The following ACTR2 variants were observed in gnomAD, a reference collection of about 807,000 sequenced individuals.
ACTR2 encodes the protein actin related protein 2.
ACTR2 carries 5 observed loss-of-function variants against 50.2 expected under a neutral mutation model. The observed-to-expected ratio is 0.10, with a 90% CI of 0.05 to 0.21. ACTR2 has a LOEUF of 0.21. ACTR2 is among the 10% of genes least tolerant of loss of function. The pLI is 1.00. For missense variants in ACTR2, 180 were observed against 480.6 expected (o/e 0.37, Z 5.85); for synonymous variants, 140 against 162.9 (o/e 0.86, Z 1.07).
In ACTR2 at chr2:65,255,769, G is replaced by T. The variant is rs1173709822; in HGVS notation, c.735+75G>T. 3.7e-6 allele frequency: 5 copies of T among 1,359,852 alleles called. No homozygotes were observed. In the Admixed American group the frequency reaches 9.3e-5, roughly 25 times the overall value. The allele number at this position is 1,359,852 out of a possible 1,614,324, so 84.2% of individuals were successfully genotyped here. A position where few individuals can be genotyped will look rare whatever the true frequency, so the allele number is the denominator to read the frequency against. ...TGATTATTGGTGTCAGCTTAAGGAGGTTTTCTTAGAATCAGTATTTTTGTC... is the reference window on the plus strand; with the variant it reads ...TGATTATTGGTGTCAGCTTAAGGAGTTTTTCTTAGAATCAGTATTTTTGTC... On this transcript the variant is annotated intron_variant, in intron 6 of 8. Transcript: ENST00000260641.
chr2:65,238,615 C>CGCCACTGCACTCCACCCTGGGCGACAGA (rs2103987967), intron 1 of ACTR2, among the ~76,000 whole-genome samples: 1 of 140,030 alleles, frequency 7.1e-6, no homozygotes, highest in African/African-American at 2.7e-5. Flanking sequence ...GCCGGGATGG[C>CGCCACTGCACTCCACCCTGGGCGACAGA]GCCACTGCAC....
chr2:65,233,576 C>T (rs1671679478), intron 1 of ACTR2, among the ~76,000 whole-genome samples: 1 of 151,380 alleles, frequency 6.6e-6, no homozygotes, highest in South Asian at 2.1e-4. Flanking sequence ...GGCAGTGTGC[C>T]CAGAGTAGCC....
intron 3 of ACTR2, 59 bp downstream of exon 3, chr2:65,246,798 A>T (rs201160842): frequency 3.6e-6 from 1 of 274,240 alleles, no homozygotes; most frequent in Non-Finnish European, 5.2e-6. Context: ...TTAAATCAAA[A>T]ATTTTCTTAC....
chr2:65,231,503 A>T (rs1020110899), intron 1 of ACTR2, among the ~76,000 whole-genome samples: 7 of 152,166 alleles, frequency 4.6e-5, no homozygotes, highest in Non-Finnish European at 8.8e-5. Context: ...TGTTATCCTA[A>T]GGTGTTTTCA....
At chr2:65,242,027 C>T (rs773989352) in intron 2 of ACTR2, 3 of 1,607,324 alleles carry the variant, frequency 1.9e-6, no homozygotes, top group Non-Finnish European at 2.6e-6. Flanking sequence ...CTCTCTTCAC[C>T]TTTCTTGACC....
At chr2:65,228,996 C>G (rs1671584813) in intron 1 of ACTR2, among the ~76,000 whole-genome samples, 1 of 152,054 alleles carries the variant, frequency 6.6e-6, no homozygotes, top group East Asian at 1.9e-4. Flanking sequence ...AGGAGAATCC[C>G]TTGAAGCCAG....
At chr2:65,243,613 A>G (rs1040790360) in intron 2 of ACTR2, among the ~76,000 whole-genome samples, 1 of 152,194 alleles carries the variant, frequency 6.6e-6, no homozygotes, top group African/African-American at 2.4e-5. Flanking sequence ...TGGGTGACAG[A>G]GCAAAACCCT....
intron 4 of ACTR2, among the ~76,000 whole-genome samples, chr2:65,253,416 A>G (rs868010516): frequency 1.3e-5 from 2 of 152,076 alleles, no homozygotes; most frequent in South Asian, 4.2e-4. Flanking sequence ...GTACTCCTCC[A>G]GCCTGGGTGA....
chr2:65,243,123 A>G (rs750068111), intron 2 of ACTR2, among the ~76,000 whole-genome samples: 1 of 152,068 alleles, frequency 6.6e-6, no homozygotes, highest in Non-Finnish European at 1.5e-5. Context: ...TACTAAAAAT[A>G]GAAAAATCAG....
intron 2 of ACTR2, among the ~76,000 whole-genome samples, chr2:65,241,771 T>G (rs1461467920): frequency 6.6e-6 from 1 of 152,212 alleles, no homozygotes; most frequent in African/African-American, 2.4e-5. Context: ...CTTAGTATTT[T>G]GACTTATACT....
chr2:65,231,823 T>A (rs1671642452), intron 1 of ACTR2, among the ~76,000 whole-genome samples: 1 of 152,182 alleles, frequency 6.6e-6, no homozygotes, highest in Admixed American at 6.5e-5. Flanking sequence ...GGGCCACACA[T>A]GAAATACACT....
At chr2:65,260,538 G>A (rs4671646) in intron 6 of ACTR2, among the ~76,000 whole-genome samples, 47,833 of 152,030 alleles carry the variant, frequency 0.31, 8,218 homozygotes, top group East Asian at 0.72. Flanking sequence ...TAACATGTCT[G>A]TTCTACATAG....
intron 4 of ACTR2, 126 bp from the exon 5 acceptor site, chr2:65,253,602 T>C (rs1256020994): frequency 2.1e-6 from 2 of 933,396 alleles, no homozygotes; most frequent in African/African-American, 3.3e-5. Context: ...GCAAAATAAC[T>C]AAATAATAAA....
chr2:65,230,400 C>CGGT (rs1671612302), intron 1 of ACTR2, among the ~76,000 whole-genome samples: 4 of 138,336 alleles, frequency 2.9e-5, no homozygotes, highest in African/African-American at 1.1e-4. Context: ...TTAACCGAAG[C>CGGT]TGATTTTTTT....
At chr2:65,246,324 G>A (rs1440623802) in intron 2 of ACTR2, 200 bp from the exon 3 acceptor site, 1 of 439,438 alleles carries the variant, frequency 2.3e-6, no homozygotes, top group African/African-American at 2.1e-5. Context: ...TCAATTTATT[G>A]ATTTAAACCA....
In ACTR2 at chr2:65,251,741, G is replaced by A. The variant is rs145020892; in HGVS notation, c.448+642G>A. ...AAAAAATACGCAGAGATTCAAAAAG[G>A]TAGCATAAAATCATGCCTGTCAAAT... On this transcript the variant is annotated intron_variant, in intron 4 of 8. Transcript: ENST00000260641. 5.8e-3 allele frequency among the ~76,000 whole-genome samples: 887 copies of A among 152,266 alleles called. 3 individuals carry two copies. Among genetic ancestry groups the A allele is most frequent in the Middle Eastern group, 0.02 (6 of 294 alleles).
At chr2:65,267,120 A>G (rs1672387435) in intron 8 of ACTR2, among the ~76,000 whole-genome samples, 1 of 152,210 alleles carries the variant, frequency 6.6e-6, no homozygotes, top group African/African-American at 2.4e-5. Context: ...GGGCTAGCTA[A>G]GTTTCCCTTA....
chr2:65,265,106 A>C lies in ACTR2; in HGVS notation c.945A>C (p.Ser315=). The change falls in exon 8 of 9, where the codon TCA becomes TCC. Residue 315 remains serine (S), a synonymous_variant. Coordinates refer to ENST00000260641, the MANE Select transcript of ACTR2 (RefSeq NM_005722.4). ...CTACTATGTATCCTGGCCTGCCATC[A>C]CGGTTGGAACGAGAACTTAAACAGC... ...GGSTMYPGLP[S]RLERELKQLY... 6.2e-7 allele frequency: 1 copy of C among 1,614,206 alleles called. No individual in the cohort carries two copies. The highest frequency in any genetic ancestry group is 8.5e-7 in the Non-Finnish European group (1 of 1,180,036).
Position 65,255,435 on chromosome 2 carries a change from T to C in ACTR2, c.586-110T>C, listed in dbSNP as rs932110612. 4.5e-6 allele frequency: 4 copies of C among 894,516 alleles called. No individual in the cohort carries two copies. In the Admixed American group the frequency reaches 1.1e-4, roughly 24 times the overall value. 55.4% of individuals were successfully genotyped at this position (894,516 alleles called of 1,614,324 possible). A position where few individuals can be genotyped will look rare whatever the true frequency, so the allele number is the denominator to read the frequency against. ...GAAATAGTAGGAGCTGAGGATCCAC[T>C]GCCCATTCTGTTTGTTATTGATGTG... is the stretch of plus-strand genomic sequence containing the variant. On this transcript the variant is annotated intron_variant, in intron 5 of 8. Transcript: ENST00000260641.
Sources: gnomAD v4.1 joint callset for allele counts (sites outside exome capture counted in the v4.1 genomes callset) on GRCh38, gnomAD v4.1.1 for gene constraint, MANE v1.5 for transcripts, NCBI Gene and HGNC (gene_info 2026-07-23, HGNC 2026-07-21) for gene names.